Variants in TLL1 observed in about 807,000 individuals in gnomAD.
TLL1 encodes tolloid-like protein 1.
TLL1 carries 49 observed loss-of-function variants against 128.2 expected under a neutral mutation model. The ratio of observed to expected loss-of-function variants is 0.38; its 90% CI spans 0.30 to 0.48. TLL1 has a LOEUF of 0.48. Ranked by LOEUF, TLL1 falls within the 20% of genes least tolerant of loss-of-function variation. The probability of loss-of-function intolerance (pLI) is 0.96; values close to 1 mark genes in which losing one functional copy is unlikely to be tolerated. For synonymous variants in TLL1, 454 were observed against 418.8 expected, an observed-to-expected ratio of 1.08 and a Z score of -1.03; for missense variants, 1,123 against 1,242.0, an observed-to-expected ratio of 0.90 and a Z score of 1.44.
At chr4:166,095,413 T>TA (rs71604421) in intron 19 of TLL1, among the ~76,000 whole-genome samples, 33,966 of 150,266 alleles carry the variant, frequency 0.23, 4,091 homozygotes, top group East Asian at 0.43. Context: ...AAATCTTTAG[T>TA]AAAGAAAAAA....
intron 1 of TLL1, among the ~76,000 whole-genome samples, chr4:165,961,719 A>G (rs936359849): frequency 2.0e-5 from 3 of 152,180 alleles, no homozygotes; most frequent in African/African-American, 7.2e-5. Flanking sequence ...AGCAGAGGGG[A>G]AAGGACACCT....
intron 1 of TLL1, among the ~76,000 whole-genome samples, chr4:165,970,282 G>A (rs1376099701): frequency 6.6e-6 from 1 of 151,886 alleles, no homozygotes; most frequent in East Asian, 1.9e-4. Flanking sequence ...CTGTTTTCTT[G>A]TGGAACCTTT....
At chr4:165,953,345 A>G (rs1304096141) in intron 1 of TLL1, among the ~76,000 whole-genome samples, 1 of 152,042 alleles carries the variant, frequency 6.6e-6, no homozygotes, top group Non-Finnish European at 1.5e-5. Flanking sequence ...GTGCTTTCAC[A>G]TGCTGCAGCT....
rs1740541725 is a variant in TLL1 at position 166,065,767 on chromosome 4, C to A, written c.2092C>A (p.Pro698Thr). The stretch of plus-strand genomic sequence containing the variant: ...TGGCAAATTCTGTGGCGCTGAAGTG[C>A]CTGAAGTGATCACATCCCAGTTCAA... ...LHGKFCGAEV[P>T]EVITSQFNNM... Residue 698 changes from proline to threonine, a missense_variant, in exon 16 of 21, where the codon CCT (proline) becomes ACT (threonine). By Grantham distance (38) the Pro-to-Thr change is conservative. Around this residue, in one of 3 missense-constraint regions of TLL1, gnomAD observed 634 missense variants for 672.4 expected, o/e 0.94. Coordinates refer to ENST00000061240, the MANE Select transcript of TLL1 (RefSeq NM_012464.5). The A allele has an allele frequency of 1.9e-6, 3 of 1,612,948 alleles. No homozygotes were observed. Among genetic ancestry groups the A allele is most frequent in the Non-Finnish European group, 2.5e-6 (3 of 1,179,334 alleles).
rs60017576 is a variant in TLL1 at position 166,091,097 on chromosome 4, T to A, written c.2443-31T>A. 52,570 of 1,439,474 alleles carry A rather than the reference T, an allele frequency of 0.037. 1,272 individuals are homozygous for A. The highest frequency in any genetic ancestry group is 0.11 in the African/African-American group (4,707 of 41,568). The allele number at this position is 1,439,474 out of a possible 1,614,324, so 89.2% of individuals were successfully genotyped here. ...CTCATTTTGAGTGATTTGTTTTTTT[T>A]TAAAAAAATTATTTCTTCTTTTTAA... On this transcript the variant is annotated intron_variant, in intron 18 of 20. Coordinates refer to ENST00000061240, the MANE Select transcript of TLL1 (RefSeq NM_012464.5).
intron 9 of TLL1, among the ~76,000 whole-genome samples, chr4:166,033,983 A>G (rs1239172590): frequency 6.6e-6 from 1 of 152,086 alleles, no homozygotes; most frequent in Non-Finnish European, 1.5e-5. Context: ...CTTTTTAATC[A>G]CTCATCTATG....
At chr4:165,959,095 T>C (rs1311461015) in intron 1 of TLL1, among the ~76,000 whole-genome samples, 1 of 151,016 alleles carries the variant, frequency 6.6e-6, no homozygotes, top group Non-Finnish European at 1.5e-5. Context: ...ACCAGTACCA[T>C]GCTGTTTTGG....
intron 1 of TLL1, among the ~76,000 whole-genome samples, chr4:165,912,891 GA>G (rs11439705): frequency 0.11 from 16,278 of 146,350 alleles, 2,735 homozygotes; most frequent in African/African-American, 0.37. Flanking sequence ...ACCATAGAAA[GA>G]AAAAAAAAAA....
chr4:165,926,436 GT>G (rs1249889069), intron 1 of TLL1, among the ~76,000 whole-genome samples: 1 of 152,152 alleles, frequency 6.6e-6, no homozygotes, highest in African/African-American at 2.4e-5. Context: ...ATGATTTTCA[GT>G]TTGTTCTTAT....
intron 1 of TLL1, among the ~76,000 whole-genome samples, chr4:165,971,578 CT>C (rs376834467): frequency 9.5e-4 from 144 of 152,298 alleles, no homozygotes; most frequent in African/African-American, 3.2e-3. Context: ...TGGTAGAAAA[CT>C]GCTTTTCTGT....
chr4:166,091,048 A>G, intron 18 of TLL1, 80 bp from the exon 19 acceptor site: 1 of 1,160,632 alleles, frequency 8.6e-7, no homozygotes, highest in Non-Finnish European at 1.2e-6. Context: ...TTTTATTGAT[A>G]TGTATTTCTG....
At position 166,101,090 on chromosome 4, in the gene TLL1, T is replaced by A; in HGVS notation, c.*214T>A. On this transcript the variant is annotated 3_prime_UTR_variant, in exon 21 of 21. Transcript: ENST00000061240. ...ATTTGAACTCCATGCTTGATGGTAT[T>A]AATAAAGCTGGTGAAAGGGCATCAT... The A allele has an allele frequency of 1.8e-6, 1 of 557,390 alleles. No homozygotes were observed. Among genetic ancestry groups the A allele is most frequent in the Non-Finnish European group, 3.1e-6 (1 of 321,352 alleles). 34.5% of individuals were successfully genotyped at this position (557,390 alleles called of 1,614,324 possible).
intron 9 of TLL1, chr4:166,031,035 T>C: frequency 1.1e-6 from 1 of 891,704 alleles, no homozygotes; most frequent in Non-Finnish European, 1.3e-6. Flanking sequence ...GCACTAAAAA[T>C]TTAATAAGTT....
chr4:166,035,215 A>G (rs1738946484), intron 9 of TLL1, among the ~76,000 whole-genome samples: 2 of 152,186 alleles, frequency 1.3e-5, no homozygotes, highest in Admixed American at 6.6e-5. Context: ...TTTAAGCAGA[A>G]AAGTTATTTT....
At chr4:166,100,600 T>C in intron 20 of TLL1, 142 bp from the exon 21 acceptor site, 1 of 1,112,428 alleles carries the variant, frequency 9.0e-7, no homozygotes, top group African/African-American at 1.5e-5. Flanking sequence ...AGTGAAGAAG[T>C]TGATTACACC....
intron 2 of TLL1, among the ~76,000 whole-genome samples, chr4:165,992,211 C>T (rs1450231678): frequency 6.6e-6 from 1 of 151,954 alleles, no homozygotes; most frequent in Non-Finnish European, 1.5e-5. Flanking sequence ...TGCAGCTGAA[C>T]ATTCGTTTGG....
At chr4:165,909,763 T>A (rs933344619) in intron 1 of TLL1, among the ~76,000 whole-genome samples, 2 of 152,148 alleles carry the variant, frequency 1.3e-5, no homozygotes, top group African/African-American at 2.4e-5. Context: ...ACATTTTTAT[T>A]TATGGGATTA....
chr4:166,057,788 C>T (rs1034081252), intron 14 of TLL1, among the ~76,000 whole-genome samples: 13 of 152,166 alleles, frequency 8.5e-5, no homozygotes, highest in Admixed American at 2.0e-4. Context: ...CATCAGATTT[C>T]GTAAGACTTT....
intron 19 of TLL1, among the ~76,000 whole-genome samples, chr4:166,097,148 C>A (rs756724345): frequency 2.0e-5 from 3 of 151,976 alleles, no homozygotes; most frequent in African/African-American, 7.2e-5. Context: ...GGAAAAAAGT[C>A]CCCCAGCTGG....
Sources: allele counts gnomAD v4.1 joint callset (sites outside exome capture counted in the v4.1 genomes callset), GRCh38; gene constraint gnomAD v4.1.1; regional missense constraint gnomAD v4.1.1; transcripts MANE v1.5; gene names NCBI Gene and HGNC (gene_info 2026-07-23, HGNC 2026-07-21).